PRKN: variants seen among roughly 807,000 people sequenced by gnomAD.
PRKN encodes E3 ubiquitin-protein ligase parkin.
A neutral mutation model predicts 59.5 loss-of-function variants in PRKN; 56 were observed. The observed-to-expected ratio is 0.94, with a 90% CI of 0.76 to 1.18. PRKN has a LOEUF of 1.18. Ranked by LOEUF, PRKN falls within the 50% of genes most tolerant of loss-of-function variation. The pLI, the probability that PRKN is intolerant of heterozygous loss-of-function variation, is 0.00. For synonymous variants in PRKN, 250 were observed against 222.1 expected (o/e 1.13, Z -1.12); for missense variants, 657 against 596.4 (o/e 1.10, Z -1.06).
At chr6:162,106,937 T>C (rs1410831405) in intron 4 of PRKN, among the ~76,000 whole-genome samples, 1 of 152,182 alleles carries the variant, frequency 6.6e-6, no homozygotes, top group Non-Finnish European at 1.5e-5. Context: ...ATTCTTATGG[T>C]AGGAAAATTT....
rs367918885 is a variant in PRKN at position 161,752,644 on chromosome 6, G to C, written c.871+33128C>G. ...GAAGGTCAAGGCTGCAGTGAGCTAT[G>C]ATCATGCCACTATATTCCAGCCTGG... On this transcript the variant is annotated intron_variant, in intron 7 of 11. Transcript: ENST00000366898. Among the ~76,000 whole-genome samples, 23 of 152,174 alleles carry C rather than the reference G, an allele frequency of 1.5e-4. 1 individual carries two copies. The East Asian group carries it at 1.7e-3, about 11-fold the overall frequency.
chr6:162,042,100 C>T (rs936857991), intron 5 of PRKN, among the ~76,000 whole-genome samples: 9 of 151,970 alleles, frequency 5.9e-5, no homozygotes, highest in African/African-American at 2.2e-4. Flanking sequence ...TGCATCAATG[C>T]ATTCTTCTCC....
intron 4 of PRKN, among the ~76,000 whole-genome samples, chr6:162,080,849 A>G (rs1779028514): frequency 6.6e-6 from 1 of 152,076 alleles, no homozygotes; most frequent in South Asian, 2.1e-4. Context: ...TCAAAACTGG[A>G]GTCAGTCCTC....
intron 7 of PRKN, among the ~76,000 whole-genome samples, chr6:161,652,262 G>A (rs1352303179): frequency 6.6e-6 from 1 of 152,160 alleles, no homozygotes; most frequent in African/African-American, 2.4e-5. Context: ...AAGAAAGTCA[G>A]GGTAGTGATA....
At chr6:161,727,426 T>G (rs563060894) in intron 7 of PRKN, among the ~76,000 whole-genome samples, 4 of 152,310 alleles carry the variant, frequency 2.6e-5, no homozygotes, top group Non-Finnish European at 4.4e-5. Flanking sequence ...CAGGGCCTAA[T>G]GTGCTCATGA....
chr6:161,965,009 G>T (rs962707848), intron 6 of PRKN, among the ~76,000 whole-genome samples: 2 of 151,976 alleles, frequency 1.3e-5, no homozygotes, highest in Non-Finnish European at 2.9e-5. Context: ...CATTCAAAGG[G>T]AATTGTAACT....
chr6:162,458,385 C>A (rs573031990), intron 1 of PRKN, among the ~76,000 whole-genome samples: 3 of 149,188 alleles, frequency 2.0e-5, no homozygotes, highest in African/African-American at 4.9e-5. Flanking sequence ...AAGATCGCAC[C>A]ACTGCACTCC....
At chr6:162,509,893 C>T (rs1777517570) in intron 1 of PRKN, among the ~76,000 whole-genome samples, 1 of 152,058 alleles carries the variant, frequency 6.6e-6, no homozygotes, top group South Asian at 2.1e-4. Flanking sequence ...GTGAACTATC[C>T]CTCCTGGTGA....
chr6:162,084,192 C>A (rs1227178755), intron 4 of PRKN, among the ~76,000 whole-genome samples: 1 of 151,988 alleles, frequency 6.6e-6, no homozygotes, highest in Non-Finnish European at 1.5e-5. Context: ...TAGGTTGGTG[C>A]AAAAGATTTT....
Position 162,482,711 on chromosome 6 carries a change from A to C in PRKN, c.8-39238T>G, listed in dbSNP as rs375427944. Among the ~76,000 whole-genome samples the C allele has an allele frequency of 3.1e-4, 47 of 152,362 alleles. No individual in the cohort carries two copies. The South Asian group carries it at 3.7e-3, about 12-fold the overall frequency. Reference sequence around the variant, plus strand: ...ATGGATAAATGAAAGCAGAGAAAAGAAAGCAAGCAAGAATAAATATCTACT... The same window carrying C: ...ATGGATAAATGAAAGCAGAGAAAAGCAAGCAAGCAAGAATAAATATCTACT... On this transcript the variant is annotated intron_variant, in intron 1 of 11. Transcript: ENST00000366898.
chr6:161,944,823 G>A (rs1296936885), intron 6 of PRKN, among the ~76,000 whole-genome samples: 1 of 152,114 alleles, frequency 6.6e-6, no homozygotes, highest in Non-Finnish European at 1.5e-5. Flanking sequence ...TTCTCAGCCA[G>A]GCAGAGACTT....
Position 162,297,178 on chromosome 6 carries a change from T to TC in PRKN, c.172-34414_172-34413insG, listed in dbSNP as rs532404110. Among the ~76,000 whole-genome samples the TC allele has an allele frequency of 1.3e-3, 197 of 151,392 alleles. 1 individual carries two copies. Among genetic ancestry groups the TC allele is most frequent in the African/African-American group, 4.4e-3 (181 of 41,314 alleles). ...AGATTCTAGAATTTTTCTTTTCTTT[T>TC]TTTTTTTTTTTGTAAGCATCTTAGT... is the stretch of plus-strand genomic sequence containing the variant. On this transcript the variant is annotated intron_variant, in intron 2 of 11. Coordinates refer to ENST00000366898, the MANE Select transcript of PRKN (RefSeq NM_004562.3).
At chr6:162,138,493 A>G (rs1298447446) in intron 4 of PRKN, among the ~76,000 whole-genome samples, 1 of 152,214 alleles carries the variant, frequency 6.6e-6, no homozygotes, top group Non-Finnish European at 1.5e-5. Flanking sequence ...AATGTCTGGA[A>G]TCTAGTAAAT....
Position 162,720,069 on chromosome 6 carries a change from T to C in PRKN, c.7+7593A>G, listed in dbSNP as rs574386900. Among the ~76,000 whole-genome samples, 69 of 152,294 alleles carry C rather than the reference T, an allele frequency of 4.5e-4. 1 individual carries two copies. The South Asian group carries it at 4.6e-3, about 10-fold the overall frequency. ...CTGCGGGTACAATAAGCTTTAAAAA[T>C]GACTACGCAGTTACAGAGGGCTTCA... On this transcript the variant is annotated intron_variant, in intron 1 of 11. Coordinates refer to ENST00000366898, the MANE Select transcript of PRKN (RefSeq NM_004562.3).
chr6:161,975,177 C>T (rs1420629788), intron 5 of PRKN, among the ~76,000 whole-genome samples: 1 of 151,320 alleles, frequency 6.6e-6, no homozygotes, highest in African/African-American at 2.4e-5. Flanking sequence ...ACTCTGCCTC[C>T]TGGGCTCACG....
At chr6:161,850,821 C>A (rs1212352970) in intron 6 of PRKN, among the ~76,000 whole-genome samples, 1 of 152,102 alleles carries the variant, frequency 6.6e-6, no homozygotes, top group Non-Finnish European at 1.5e-5. Context: ...CAATGCTCCC[C>A]ATCAGTAACA....
At chr6:161,622,146 G>A (rs756790718) in intron 7 of PRKN, among the ~76,000 whole-genome samples, 41 of 152,104 alleles carry the variant, frequency 2.7e-4, no homozygotes, top group Admixed American at 3.9e-4. Context: ...TCCCCAGGCT[G>A]TTTGCAGATG....
intron 6 of PRKN, among the ~76,000 whole-genome samples, chr6:161,840,043 T>C (rs1792920095): frequency 1.3e-5 from 2 of 152,244 alleles, no homozygotes; most frequent in Non-Finnish European, 2.9e-5. Flanking sequence ...TTGCCTACAG[T>C]TGGCGGAGCC....
At chr6:162,046,005 T>G (rs546675629) in intron 5 of PRKN, among the ~76,000 whole-genome samples, 1 of 152,374 alleles carries the variant, frequency 6.6e-6, no homozygotes, top group East Asian at 1.9e-4. Context: ...ATCTCATTTA[T>G]AAATCTATTT....
Sources: allele counts gnomAD v4.1 joint callset (sites outside exome capture counted in the v4.1 genomes callset), GRCh38; gene constraint gnomAD v4.1.1; transcripts MANE v1.5; gene names NCBI Gene and HGNC (gene_info 2026-07-23, HGNC 2026-07-21).